The following ROBO1 variants were observed in gnomAD, a reference collection of about 807,000 sequenced individuals.
ROBO1 encodes roundabout homolog 1.
A neutral mutation model predicts 195.9 loss-of-function variants in ROBO1; 149 were observed. That is an observed-to-expected ratio of 0.76 (90% CI 0.67 to 0.87). The LOEUF (loss-of-function observed/expected upper bound fraction) is 0.87, where lower values mean the gene tolerates loss of function less well. ROBO1 is among the 40% of genes least tolerant of loss of function. The pLI, the probability that ROBO1 is intolerant of heterozygous loss-of-function variation, is 0.00. For missense variants in ROBO1, 1,933 were observed against 2,068.3 expected, an observed-to-expected ratio of 0.93 and a Z score of 1.27; for synonymous variants, 816 against 733.2, an observed-to-expected ratio of 1.11 and a Z score of -1.82.
intron 1 of ROBO1, among the ~76,000 whole-genome samples, chr3:79,672,988 C>A (rs78331439): frequency 2.5e-3 from 376 of 151,972 alleles, no homozygotes; most frequent in Non-Finnish European, 4.4e-3. Context: ...GCGAGCAATG[C>A]CAAATGAGGG....
chr3:78,939,064 AT>A, intron 3 of ROBO1, 137 bp from the exon 4 acceptor site: 1 of 735,356 alleles, frequency 1.4e-6, no homozygotes, highest in Admixed American at 3.0e-5. Context: ...TTTACTAACA[AT>A]CTTTCTGGTG....
Position 79,036,259 on chromosome 3 carries a change from T to C in ROBO1, c.172+89197A>G, listed in dbSNP as rs142007636. On this transcript the variant is annotated intron_variant, in intron 3 of 30. Coordinates refer to ENST00000464233, the MANE Select transcript of ROBO1 (RefSeq NM_002941.4). ...TCTTCTTTACAAGTCTGTAAATAAA[T>C]GATCATTTATATAATCAGTATATTT... 3.6e-3 allele frequency among the ~76,000 whole-genome samples: 547 copies of C among 152,268 alleles called. 7 individuals carry two copies. Among genetic ancestry groups the C allele is most frequent in the African/African-American group, 0.012 (507 of 41,584 alleles).
At chr3:79,090,047 C>T (rs2108486512) in intron 3 of ROBO1, among the ~76,000 whole-genome samples, 1 of 151,408 alleles carries the variant, frequency 6.6e-6, no homozygotes, top group East Asian at 2.0e-4. Flanking sequence ...TCGAGCAATT[C>T]TCCTGCCTCA....
At chr3:79,391,122 C>CAAAAA (rs952765742) in intron 2 of ROBO1, among the ~76,000 whole-genome samples, 1 of 100,808 alleles carries the variant, frequency 9.9e-6, no homozygotes, top group African/African-American at 3.5e-5. Context: ...CTGTCTCTAC[C>CAAAAA]AAAAAAAAAA....
At chr3:79,114,031 A>G (rs764670292) in intron 3 of ROBO1, among the ~76,000 whole-genome samples, 1 of 152,192 alleles carries the variant, frequency 6.6e-6, no homozygotes, top group Non-Finnish European at 1.5e-5. Context: ...ACTAAGTCTC[A>G]TGAAATCTGA....
At position 79,633,132 on chromosome 3, in the gene ROBO1, ATATAT is replaced by A. The variant is rs372745160; in HGVS notation, c.-50-43176_-50-43172del. On this transcript the variant is annotated intron_variant, in intron 1 of 30. Coordinates refer to ENST00000464233, the MANE Select transcript of ROBO1 (RefSeq NM_002941.4). ...GCAGTAGAAAGTTTCGTATAGAAACATATATTATAAGAAAAAGGGTTTGATTTTTA... is the reference window on the plus strand; with the variant it reads ...GCAGTAGAAAGTTTCGTATAGAAACATATAAGAAAAAGGGTTTGATTTTTA... 6.6e-3 allele frequency among the ~76,000 whole-genome samples: 1,002 copies of A among 152,070 alleles called. 8 individuals carry two copies. Among genetic ancestry groups the A allele is most frequent in the African/African-American group, 0.023 (937 of 41,512 alleles).
chr3:79,627,346 A>G (rs1444808602), intron 1 of ROBO1, among the ~76,000 whole-genome samples: 1 of 152,154 alleles, frequency 6.6e-6, no homozygotes, highest in Non-Finnish European at 1.5e-5. Context: ...AAATAACACC[A>G]TGTATCTACA....
chr3:79,038,842 A>G (rs2078429704), intron 3 of ROBO1, among the ~76,000 whole-genome samples: 1 of 152,186 alleles, frequency 6.6e-6, no homozygotes, highest in African/African-American at 2.4e-5. Flanking sequence ...AGACTGTAGC[A>G]TTTCCTATGG....
chr3:78,799,937 T>G (rs527964761), intron 4 of ROBO1, among the ~76,000 whole-genome samples: 1 of 152,248 alleles, frequency 6.6e-6, no homozygotes, highest in South Asian at 2.1e-4. Flanking sequence ...TGAGCTTGTC[T>G]AGGATTCAAG....
intron 8 of ROBO1, among the ~76,000 whole-genome samples, chr3:78,709,057 C>G (rs1356553372): frequency 6.6e-6 from 1 of 152,076 alleles, no homozygotes; most frequent in Non-Finnish European, 1.5e-5. Flanking sequence ...GGAGAGGAAA[C>G]AGGGATGCAG....
intron 2 of ROBO1, among the ~76,000 whole-genome samples, chr3:79,324,231 G>A (rs1039677704): frequency 1.3e-5 from 2 of 152,132 alleles, no homozygotes; most frequent in African/African-American, 2.4e-5. Flanking sequence ...GAAGATTAAT[G>A]TGGAGAGTTT....
chr3:79,299,582 A>G (rs1205618043), intron 2 of ROBO1, among the ~76,000 whole-genome samples: 3 of 152,206 alleles, frequency 2.0e-5, no homozygotes, highest in Non-Finnish European at 2.9e-5. Flanking sequence ...TTGAAAATAA[A>G]GATATTATAT....
intron 1 of ROBO1, among the ~76,000 whole-genome samples, chr3:79,750,900 T>C (rs1256862581): frequency 6.6e-6 from 1 of 152,210 alleles, no homozygotes; most frequent in East Asian, 1.9e-4. Context: ...GCAGGTATTA[T>C]GAAGCTAGCA....
At chr3:78,965,264 A>G (rs778589928) in intron 3 of ROBO1, among the ~76,000 whole-genome samples, 1 of 152,262 alleles carries the variant, frequency 6.6e-6, no homozygotes, top group East Asian at 1.9e-4. Flanking sequence ...AAATTCTACC[A>G]AACTAGCACA....
At chr3:79,713,549 CTAGAAT>C (rs1168250603) in intron 1 of ROBO1, among the ~76,000 whole-genome samples, 1 of 152,040 alleles carries the variant, frequency 6.6e-6, no homozygotes, top group African/African-American at 2.4e-5. Flanking sequence ...AACAATAGAA[CTAGAAT>C]TAGAAGTGAA....
intron 10 of ROBO1, among the ~76,000 whole-genome samples, chr3:78,670,808 T>C (rs559125151): frequency 4.5e-4 from 69 of 152,346 alleles, no homozygotes; most frequent in Non-Finnish European, 8.1e-4. Flanking sequence ...AAAAAGTGCA[T>C]TGGATTTCGT....
chr3:78,611,997 G>C (rs1703843407), intron 28 of ROBO1, among the ~76,000 whole-genome samples: 1 of 152,124 alleles, frequency 6.6e-6, no homozygotes, highest in South Asian at 2.1e-4. Flanking sequence ...CTGGTCTATG[G>C]TACTTTGTTA....
intron 1 of ROBO1, among the ~76,000 whole-genome samples, chr3:79,681,235 A>G (rs1946938123): frequency 6.6e-6 from 1 of 152,018 alleles, no homozygotes; most frequent in Admixed American, 6.6e-5. Flanking sequence ...GAACGGCTTT[A>G]TGGCTTTAAA....
chr3:78,898,747 A>G (rs1482841265), intron 4 of ROBO1, among the ~76,000 whole-genome samples: 2 of 152,100 alleles, frequency 1.3e-5, no homozygotes, highest in South Asian at 2.1e-4. Context: ...TTTGGCATAT[A>G]TGAAAATAAA....
Sources: gnomAD v4.1 joint callset for allele counts (sites outside exome capture counted in the v4.1 genomes callset) on GRCh38, gnomAD v4.1.1 for gene constraint, MANE v1.5 for transcripts, NCBI Gene and HGNC (gene_info 2026-07-23, HGNC 2026-07-21) for gene names.